The following UVRAG variants were observed in gnomAD, a reference collection of about 807,000 sequenced individuals.
UVRAG encodes the protein UV radiation resistance associated.
In UVRAG, 19 loss-of-function variants were observed where a neutral mutation model predicts 78.0. That is an observed-to-expected ratio of 0.24 (90% confidence interval 0.17 to 0.36). The LOEUF (loss-of-function observed/expected upper bound fraction) is 0.36. UVRAG is among the 10% of genes least tolerant of loss of function. UVRAG has a pLI of 1.00. For synonymous variants in UVRAG, 323 were observed against 324.6 expected, an observed-to-expected ratio of 1.00 and a Z score of 0.05; for missense variants, 740 against 853.8, an observed-to-expected ratio of 0.87 and a Z score of 1.66.
At chr11:75,974,271 T>C (rs544131861) in intron 7 of UVRAG, among the ~76,000 whole-genome samples, 3 of 152,134 alleles carry the variant, frequency 2.0e-5, no homozygotes, top group South Asian at 2.1e-4. Context: ...TGGTATCTCA[T>C]TGTGGTTTTG....
chr11:75,883,367 A>ACC (rs202209230), intron 4 of UVRAG, among the ~76,000 whole-genome samples: 8,449 of 146,902 alleles, frequency 0.058, 347 homozygotes, highest in African/African-American at 0.12. Context: ...AGTAACAGAG[A>ACC]ACAAAAAAAA....
intron 9 of UVRAG, among the ~76,000 whole-genome samples, chr11:76,005,622 A>G (rs1323807948): frequency 2.0e-5 from 3 of 152,210 alleles, no homozygotes; most frequent in Non-Finnish European, 4.4e-5. Flanking sequence ...TCTTCCTGCA[A>G]ATAGTATCAG....
At chr11:76,101,852 G>A (rs1951885006) in intron 13 of UVRAG, among the ~76,000 whole-genome samples, 1 of 152,110 alleles carries the variant, frequency 6.6e-6, no homozygotes, top group Non-Finnish European at 1.5e-5. Context: ...TTTCTCCATT[G>A]CTTGTTTTTG....
Position 75,882,360 on chromosome 11 carries a change from AAAATT to A in UVRAG, c.432+2323_432+2327del, listed in dbSNP as rs533949451. Among the ~76,000 whole-genome samples, 8 of 152,160 alleles carry A rather than the reference AAAATT, an allele frequency of 5.3e-5. No individual in the cohort carries two copies. In the South Asian group the frequency reaches 1.2e-3, roughly 24 times the overall value. On this transcript the variant is annotated intron_variant, in intron 4 of 14. Transcript: ENST00000356136. ...AAACCCTGTCTCTACTAAAAATACA[AAAATT>A]AACTGGGCACAGCGGCATGTGCCTG...
At chr11:76,079,109 C>G (rs977839776) in intron 13 of UVRAG, among the ~76,000 whole-genome samples, 1 of 152,272 alleles carries the variant, frequency 6.6e-6, no homozygotes, top group African/African-American at 2.4e-5. Flanking sequence ...TTAACTTTAC[C>G]ACTCTTATAA....
At chr11:75,890,221 C>A (rs1204398544) in intron 5 of UVRAG, among the ~76,000 whole-genome samples, 3 of 152,150 alleles carry the variant, frequency 2.0e-5, no homozygotes, top group Non-Finnish European at 4.4e-5. Context: ...GTGTGATTAT[C>A]AGATTTGCGT....
At chr11:75,967,488 T>G (rs1949045481) in intron 7 of UVRAG, among the ~76,000 whole-genome samples, 1 of 152,174 alleles carries the variant, frequency 6.6e-6, no homozygotes, top group South Asian at 2.1e-4. Context: ...TTTTAAAACC[T>G]TTTTTCTGAT....
At chr11:75,875,526 C>T (rs1946751845) in intron 3 of UVRAG, among the ~76,000 whole-genome samples, 1 of 147,268 alleles carries the variant, frequency 6.8e-6, no homozygotes, top group Admixed American at 6.8e-5. Context: ...TTAAATAATT[C>T]CTTGCCTCCT....
At chr11:76,110,406 T>A (rs1048598949) in intron 13 of UVRAG, among the ~76,000 whole-genome samples, 1 of 152,136 alleles carries the variant, frequency 6.6e-6, no homozygotes, top group Non-Finnish European at 1.5e-5. Flanking sequence ...TTATTCAAAG[T>A]CAAACAACTA....
At position 75,974,603 on chromosome 11, in the gene UVRAG, C is replaced by T. The variant is rs1339766043; in HGVS notation, c.700-8784C>T. Among the ~76,000 whole-genome samples the T allele has an allele frequency of 2.9e-3, 423 of 147,942 alleles. 1 individual carries two copies. The highest frequency in any genetic ancestry group is 0.01 in the African/African-American group (381 of 38,062). On this transcript the variant is annotated intron_variant, in intron 7 of 14. Transcript: ENST00000356136. ...GGATGGTCTCGATCTCCTGACCTCA[C>T]GATCCACCCGCCTCGGCCTCCCAAA...
intron 7 of UVRAG, among the ~76,000 whole-genome samples, chr11:75,978,507 A>G (rs1379209073): frequency 1.3e-5 from 2 of 152,226 alleles, no homozygotes; most frequent in Non-Finnish European, 2.9e-5. Context: ...AGGTACACCA[A>G]TCAGACATAG....
chr11:76,059,171 G>A (rs1247383251), intron 12 of UVRAG, among the ~76,000 whole-genome samples: 1 of 152,190 alleles, frequency 6.6e-6, no homozygotes, highest in African/African-American at 2.4e-5. Flanking sequence ...TCTCAATCTT[G>A]TGGTGTTGTA....
chr11:75,912,305 T>C (rs947343715), intron 6 of UVRAG, among the ~76,000 whole-genome samples: 2 of 152,236 alleles, frequency 1.3e-5, no homozygotes, highest in African/African-American at 2.4e-5. Flanking sequence ...AACTGTTTTC[T>C]GGTCTTCTGT....
At chr11:75,892,607 A>T (rs1447751520) in intron 5 of UVRAG, among the ~76,000 whole-genome samples, 1 of 152,196 alleles carries the variant, frequency 6.6e-6, no homozygotes, top group Non-Finnish European at 1.5e-5. Context: ...GATGGTCAGT[A>T]CATGCTTATT....
chr11:76,077,199 CTATT>C, intron 13 of UVRAG, among the ~76,000 whole-genome samples: 1 of 149,532 alleles, frequency 6.7e-6, no homozygotes, highest in East Asian at 1.9e-4. Context: ...TCTCTTGTAT[CTATT>C]TAATGTTTTA....
At chr11:75,835,605 A>G (rs898554159) in intron 1 of UVRAG, among the ~76,000 whole-genome samples, 3 of 152,214 alleles carry the variant, frequency 2.0e-5, no homozygotes, top group African/African-American at 4.8e-5. Flanking sequence ...AAAAGTGTAA[A>G]GTACTTTATA....
rs1382010577 is a variant in UVRAG at position 76,002,458 on chromosome 11, G to T, written c.827-1547G>T. Among the ~76,000 whole-genome samples, 8 of 152,122 alleles carry T rather than the reference G, an allele frequency of 5.3e-5. No individual in the cohort carries two copies. The East Asian group carries it at 1.5e-3, about 29-fold the overall frequency. ...GAACTGAGGAAGGGGACACTCATTT[G>T]TGTTTTGAAGACCAGATCTGTCTTT... On this transcript the variant is annotated intron_variant, in intron 8 of 14. Coordinates refer to ENST00000356136, the MANE Select transcript of UVRAG (RefSeq NM_003369.4).
chr11:76,013,698 A>G (rs1271853907), intron 11 of UVRAG, among the ~76,000 whole-genome samples: 5 of 152,230 alleles, frequency 3.3e-5, no homozygotes. Context: ...TGCAATAGCC[A>G]TAATTAACCA....
intron 5 of UVRAG, among the ~76,000 whole-genome samples, chr11:75,894,489 G>A (rs1947295640): frequency 6.6e-6 from 1 of 152,048 alleles, no homozygotes; most frequent in South Asian, 2.1e-4. Flanking sequence ...GATAGAGATA[G>A]TAACCAACTT....
Sources: allele counts gnomAD v4.1 joint callset (sites outside exome capture counted in the v4.1 genomes callset), GRCh38; gene constraint gnomAD v4.1.1; transcripts MANE v1.5; gene names NCBI Gene and HGNC (gene_info 2026-07-23, HGNC 2026-07-21).